UBE4B: variants seen among roughly 807,000 people sequenced by gnomAD.
UBE4B encodes the protein ubiquitination factor E4B.
UBE4B carries 27 observed loss-of-function variants against 148.1 expected under a neutral mutation model. The observed-to-expected ratio is 0.18, with a 90% CI of 0.13 to 0.25. UBE4B has a LOEUF of 0.25. Ranked by LOEUF, UBE4B falls within the 10% of genes least tolerant of loss-of-function variation. The pLI, the probability that UBE4B is intolerant of heterozygous loss-of-function variation, is 1.00. For missense variants in UBE4B, 1,170 were observed against 1,662.4 expected, an observed-to-expected ratio of 0.70 and a Z score of 5.15; for synonymous variants, 596 against 619.3, an observed-to-expected ratio of 0.96 and a Z score of 0.56.
rs1646290282 is a variant in UBE4B, at chr1:10,168,562, T to C, written c.3333+292T>C. ...TTATTCATGTTGATGTCATGACATA[T>C]TTTTACCATTATTGATTCCTATATT... On this transcript the variant is annotated intron_variant, in intron 24 of 27. Transcript: ENST00000343090. The surrounding 1 kb of genome is among the most constrained non-coding windows in gnomAD (Gnocchi z 4.9). Among the ~76,000 whole-genome samples the C allele has an allele frequency of 1.3e-5, 2 of 152,180 alleles. No homozygotes were observed. The highest frequency in any genetic ancestry group is 1.3e-4 in the Admixed American group (2 of 15,276).
Position 10,106,625 on chromosome 1 carries a change from A to T in UBE4B, c.1196+42A>T. ...AGAGTTGCATGTGTGTTTGCGGTGC[A>T]GGGAAAGGAGATTAACACGGTTTGG... On this transcript the variant is annotated intron_variant, in intron 7 of 27. Transcript: ENST00000343090. The surrounding 1 kb of genome is among the most constrained non-coding windows in gnomAD (Gnocchi z 4.2). The T allele has an allele frequency of 4.0e-6, 6 of 1,491,710 alleles. No homozygotes were observed. The highest frequency in any genetic ancestry group is 5.3e-6 in the Non-Finnish European group (6 of 1,129,304). 92.4% of individuals were successfully genotyped at this position (1,491,710 alleles called of 1,614,324 possible). A position where few individuals can be genotyped will look rare whatever the true frequency, so the allele number is the denominator to read the frequency against.
Position 10,174,702 on chromosome 1 carries a change from CAAAAAAA to C in UBE4B, c.3525+3387_3525+3393del, listed in dbSNP as rs1024868484. 8.7e-5 allele frequency among the ~76,000 whole-genome samples: 7 copies of C among 80,160 alleles called. No individual in the cohort carries two copies. In the East Asian group the frequency reaches 1.4e-3, roughly 15 times the overall value. The allele number at this position is 80,160 out of a possible 152,430, so 52.6% of individuals were successfully genotyped here. On this transcript the variant is annotated intron_variant, in intron 25 of 27. Coordinates refer to ENST00000343090, the MANE Select transcript of UBE4B (RefSeq NM_001105562.3). ...GGGCAACAAGAGCGAAACTCCGTCT[CAAAAAAA>C]AAAAAAAAAAAAAGTGTTTTTGCTT...
intron 2 of UBE4B, 103 bp from the exon 3 acceptor site, chr1:10,095,358 T>A: frequency 7.1e-7 from 1 of 1,414,530 alleles, no homozygotes; most frequent in Non-Finnish European, 9.6e-7. Context: ...TGCTGCAATG[T>A]CATGATGGGT....
chr1:10,111,778 G>A lies in UBE4B; in HGVS notation c.1196+5195G>A, dbSNP rs564160612. Among the ~76,000 whole-genome samples, 17 of 152,176 alleles carry A rather than the reference G, an allele frequency of 1.1e-4. No individual in the cohort carries two copies. In the South Asian group the frequency reaches 2.7e-3, roughly 24 times the overall value. On this transcript the variant is annotated intron_variant, in intron 7 of 27. Coordinates refer to ENST00000343090, the MANE Select transcript of UBE4B (RefSeq NM_001105562.3). ...TCAAGACAAGCCTGGCCAACATGGC[G>A]AAACCTCTTCTTTACTAAAAATACA...
rs1164105697 is a variant in UBE4B, at chr1:10,135,123, C to T, written c.2161C>T (p.Pro721Ser). 13 of 1,613,984 alleles carry T rather than the reference C, an allele frequency of 8.1e-6. No individual in the cohort carries two copies. The South Asian group carries it at 1.1e-4, about 14-fold the overall frequency. ...IFHPRCRITL[P>S]NDETRVNATM... The stretch of plus-strand genomic sequence containing the variant: ...TCACCCAAGATGTCGGATTACTCTT[C>T]CCAATGATGAGACGCGTGTGAATGC... Residue 721 changes from proline to serine, a missense_variant, in exon 16 of 28, where the codon CCC becomes TCC. Physicochemically the swap from Pro to Ser is moderately conservative, Grantham distance 74. Transcript: ENST00000343090.
At chr1:10,115,561 C>T (rs1270645844) in intron 7 of UBE4B, among the ~76,000 whole-genome samples, 3 of 152,170 alleles carry the variant, frequency 2.0e-5, no homozygotes, top group African/African-American at 2.4e-5. Context: ...CTTGAGCCAC[C>T]GCGTTTGGCC....
chr1:10,105,799 G>A (rs1371231047), intron 6 of UBE4B, 55 bp downstream of exon 6: 23 of 1,520,600 alleles, frequency 1.5e-5, no homozygotes, highest in African/African-American at 5.5e-5. Flanking sequence ...TGTGAACTAC[G>A]TAGGAGAAGG....
At chr1:10,117,721 T>G in intron 8 of UBE4B, 121 bp downstream of exon 8, 1 of 1,255,860 alleles carries the variant, frequency 8.0e-7, no homozygotes, top group Admixed American at 3.2e-5. Flanking sequence ...ATTTGCCATG[T>G]GCCAGGCACA....
intron 2 of UBE4B, among the ~76,000 whole-genome samples, chr1:10,081,287 C>T (rs1475779512): frequency 2.0e-5 from 3 of 151,272 alleles, no homozygotes; most frequent in Non-Finnish European, 4.4e-5. Context: ...CTCCAACTCC[C>T]GATGTCAGAT....
intron 23 of UBE4B, chr1:10,166,384 T>C (rs1185732114): frequency 6.6e-6 from 1 of 152,038 alleles, no homozygotes; most frequent in Non-Finnish European, 1.5e-5. Context: ...GCCTCACAGT[T>C]TGGAAAGACA....
Position 10,033,226 on chromosome 1 carries a change from CCAG to C in UBE4B, c.-444_-442del, listed in dbSNP as rs1328583304. On this transcript the variant is annotated 5_prime_UTR_variant, in exon 1 of 28. Coordinates refer to ENST00000343090, the MANE Select transcript of UBE4B (RefSeq NM_001105562.3). ...CTCGGGGTATCCACTCTGCAGTCGA[CCAG>C]TTCCCGCCAGGAGCAAAGGGTAGGA... The C allele has an allele frequency of 6.5e-6, 1 of 154,334 alleles. No homozygotes were observed. The highest frequency in any genetic ancestry group is 2.4e-5 in the African/African-American group (1 of 41,540). 9.6% of individuals were successfully genotyped at this position (154,334 alleles called of 1,614,324 possible).
chr1:10,056,694 C>T (rs910255415), intron 1 of UBE4B, among the ~76,000 whole-genome samples: 1 of 152,328 alleles, frequency 6.6e-6, no homozygotes. Context: ...GAAACAGGTG[C>T]AGCTGGGATC....
intron 21 of UBE4B, among the ~76,000 whole-genome samples, chr1:10,152,679 T>C (rs1251865602): frequency 6.6e-6 from 1 of 151,498 alleles, no homozygotes; most frequent in Non-Finnish European, 1.5e-5. Flanking sequence ...GCGCCTGTCA[T>C]CCCAGCTACT....
At chr1:10,043,310 A>G (rs781052763) in intron 1 of UBE4B, among the ~76,000 whole-genome samples, 1 of 151,566 alleles carries the variant, frequency 6.6e-6, no homozygotes, top group Non-Finnish European at 1.5e-5. Context: ...CACCCGGCCA[A>G]CTTTCAGTAA....
chr1:10,146,452 AAAAT>A (rs1645874573), intron 18 of UBE4B, among the ~76,000 whole-genome samples: 1 of 152,192 alleles, frequency 6.6e-6, no homozygotes, highest in Non-Finnish European at 1.5e-5. Flanking sequence ...ACTCTGTCTC[AAAAT>A]AAATAAATAA....
chr1:10,129,778 G>C (rs1249539700), intron 12 of UBE4B, among the ~76,000 whole-genome samples: 1 of 151,856 alleles, frequency 6.6e-6, no homozygotes, highest in African/African-American at 2.4e-5. Flanking sequence ...AGCCTCCCAA[G>C]TAGCTGGGAA....
intron 23 of UBE4B, among the ~76,000 whole-genome samples, chr1:10,166,064 C>T (rs1023749190): frequency 1.3e-5 from 2 of 152,170 alleles, no homozygotes; most frequent in East Asian, 1.9e-4. Context: ...CAGGGAACGG[C>T]AGGCCCCCCA....
chr1:10,061,003 C>G (rs1644274678), intron 1 of UBE4B, among the ~76,000 whole-genome samples: 1 of 151,934 alleles, frequency 6.6e-6, no homozygotes, highest in Non-Finnish European at 1.5e-5. Flanking sequence ...ACCTTGGCTT[C>G]CCAAAATGCT....
intron 3 of UBE4B, among the ~76,000 whole-genome samples, chr1:10,096,230 A>G (rs79123143): frequency 0.015 from 2,314 of 152,298 alleles, 66 homozygotes; most frequent in African/African-American, 0.052. Flanking sequence ...TATTTCATAC[A>G]GGTAAGCCAA....
Sources: allele counts gnomAD v4.1 joint callset (sites outside exome capture counted in the v4.1 genomes callset), GRCh38; gene constraint gnomAD v4.1.1; non-coding constraint Gnocchi (gnomAD v3.1); transcripts MANE v1.5; gene names NCBI Gene and HGNC (gene_info 2026-07-23, HGNC 2026-07-21).